LRP1: variants seen among roughly 807,000 people sequenced by gnomAD.
LRP1 encodes prolow-density lipoprotein receptor-related protein 1.
A neutral mutation model predicts 541.5 loss-of-function variants in LRP1; 51 were observed. That is an observed-to-expected ratio of 0.09 (90% CI 0.08 to 0.12). The LOEUF (loss-of-function observed/expected upper bound fraction) is 0.12, where lower values mean the gene tolerates loss of function less well. Ranked by LOEUF, LRP1 falls within the 10% of genes least tolerant of loss-of-function variation. The pLI, the probability that LRP1 is intolerant of heterozygous loss-of-function variation, is 1.00. For synonymous variants in LRP1, 2,219 were observed against 2,470.8 expected, an observed-to-expected ratio of 0.90 and a Z score of 3.02; for missense variants, 3,878 against 6,376.2, an observed-to-expected ratio of 0.61 and a Z score of 13.34.
At chr12:57,163,118 A>G in intron 15 of LRP1, 135 bp downstream of exon 15, 2 of 1,290,028 alleles carry the variant, frequency 1.6e-6, no homozygotes, top group Non-Finnish European at 2.1e-6. Context: ...GCCAACAGGA[A>G]GCAAGGGAGG....
chr12:57,144,720 G>T (rs2035364026), intron 4 of LRP1: 2 of 526,084 alleles, frequency 3.8e-6, no homozygotes, highest in Non-Finnish European at 6.8e-6. Flanking sequence ...CCTGGCACCT[G>T]ACCCATAGTA....
chr12:57,185,686 A>G lies in LRP1; in HGVS notation c.6619A>G (p.Thr2207Ala). 6.2e-7 allele frequency: 1 copy of G among 1,614,056 alleles called. No individual in the cohort carries two copies. The change falls in exon 41 of 89, where the codon ACC becomes GCC. Residue 2207 changes from threonine to alanine, a missense_variant. Physicochemically the swap from Thr to Ala is moderately conservative, Grantham distance 58. This residue lies in a region of LRP1 where 1,100 missense variants were observed against 1,827.4 expected (regional missense o/e 0.60). Coordinates refer to ENST00000243077, the MANE Select transcript of LRP1 (RefSeq NM_002332.3). The surrounding 1 kb of genome is among the most constrained non-coding windows in gnomAD (Gnocchi z 4.9). ...YAGYLLYSER[T>A]ILKSIHLSDE... is the part of the protein sequence containing the mutation. ...CGGCTACCTGCTCTACTCAGAGCGC[A>G]CCATTCTCAAGAGTATCCACCTGTC...
intron 20 of LRP1, among the ~76,000 whole-genome samples, chr12:57,171,545 G>A (rs1202872669): frequency 6.6e-6 from 1 of 152,180 alleles, no homozygotes; most frequent in Non-Finnish European, 1.5e-5. Context: ...GGTGTAAATC[G>A]TGAGAGGCTT....
chr12:57,205,157 T>C lies in LRP1; in HGVS notation c.11243T>C (p.Leu3748Pro), dbSNP rs747947432. The change falls in exon 73 of 89, where the codon CTG becomes CCG. Residue 3748 changes from leucine to proline, a missense_variant. Around this residue, in one of 13 missense-constraint regions of LRP1, gnomAD observed 871 missense variants for 1,212.4 expected, o/e 0.72. Coordinates refer to ENST00000243077, the MANE Select transcript of LRP1 (RefSeq NM_002332.3). The surrounding 1 kb of genome is among the most constrained non-coding windows in gnomAD (Gnocchi z 4.6). ...TTHCKDKKEF[L>P]CRNQRCLSSS... ...CACTGCAAAGACAAGAAGGAGTTTC[T>C]GTGCCGGAACCAGCGCTGCCTCTCC... is the stretch of plus-strand genomic sequence containing the variant. 5 of 1,613,866 alleles carry C rather than the reference T, an allele frequency of 3.1e-6. No homozygotes were observed. The highest frequency in any genetic ancestry group is 3.4e-6 in the Non-Finnish European group (4 of 1,180,008).
Position 57,212,264 on chromosome 12 carries a change from G to C in LRP1, c.13494+3G>C. On this transcript the variant is annotated splice_donor_region_variant and intron_variant, in intron 88 of 88. Transcript: ENST00000243077. The surrounding 1 kb of genome is among the most constrained non-coding windows in gnomAD (Gnocchi z 5.0). ...ACTTTGCCCTGGACCCTGACAAGGTGGGCTGGGAGGCGGGCAGGGTCGAGT... is the reference window on the plus strand; with the variant it reads ...ACTTTGCCCTGGACCCTGACAAGGTCGGCTGGGAGGCGGGCAGGGTCGAGT... 1 of 1,612,966 alleles carries C rather than the reference G, an allele frequency of 6.2e-7. No individual in the cohort carries two copies. The highest frequency in any genetic ancestry group is 8.5e-7 in the Non-Finnish European group (1 of 1,179,370).
Position 57,206,776 on chromosome 12 carries a change from A to T in LRP1, c.11859+35A>T. 2 of 1,598,876 alleles carry T rather than the reference A, an allele frequency of 1.3e-6. No homozygotes were observed. The highest frequency in any genetic ancestry group is 1.7e-6 in the Non-Finnish European group (2 of 1,174,900). ...CAACCTGGCGTGGATGGAGTGGAAG[A>T]GCTCCATAGAGCAGGCGGTTCAGAG... On this transcript the variant is annotated intron_variant, in intron 76 of 88. Coordinates refer to ENST00000243077, the MANE Select transcript of LRP1 (RefSeq NM_002332.3). This position sits in a 1 kb window ranked among gnomAD's most constrained non-coding sequence, Gnocchi z 4.7.
intron 46 of LRP1, 87 bp from the exon 47 acceptor site, chr12:57,193,479 G>A (rs2036458930): frequency 1.9e-6 from 3 of 1,548,970 alleles, no homozygotes; most frequent in Non-Finnish European, 2.6e-6. Flanking sequence ...TTTGGGGGTG[G>A]CCAGCTGGAC....
chr12:57,177,352 T>A lies in LRP1; in HGVS notation c.4197-75T>A, dbSNP rs1012106246. On this transcript the variant is annotated intron_variant, in intron 25 of 88. Coordinates refer to ENST00000243077, the MANE Select transcript of LRP1 (RefSeq NM_002332.3). This position sits in a 1 kb window ranked among gnomAD's most constrained non-coding sequence, Gnocchi z 6.8. ...CAGTGCCATCTGCCTCCTCCCACCC[T>A]CTACCTACGATCCCACCACAGTCGC... 1.9e-6 allele frequency: 3 copies of A among 1,559,556 alleles called. No individual in the cohort carries two copies. Among genetic ancestry groups the A allele is most frequent in the Non-Finnish European group, 2.6e-6 (3 of 1,144,640 alleles).
In LRP1 at chr12:57,203,431, A is replaced by G; in HGVS notation, c.10861A>G (p.Lys3621Glu). The change falls in exon 70 of 89, where the codon AAG becomes GAG. Residue 3621 changes from lysine to glutamate, a missense_variant. Lys to Glu is a moderately conservative substitution (Grantham distance 56, BLOSUM62 1). Transcript: ENST00000243077. ...PRCDMDQFQC[K>E]SGHCIPLRWR... ...CTGTGACATGGACCAGTTCCAGTGC[A>G]AGAGCGGCCACTGCATCCCCCTGCG... is the stretch of plus-strand genomic sequence containing the variant. 2.5e-6 allele frequency: 4 copies of G among 1,609,090 alleles called. No homozygotes were observed. The highest frequency in any genetic ancestry group is 3.4e-6 in the Non-Finnish European group (4 of 1,177,848).
At position 57,162,855 on chromosome 12, in the gene LRP1, C is replaced by T. The variant is rs755936829; in HGVS notation, c.2405-3C>T. Reference sequence around the variant, plus strand: ...TGCCTTTCCCCATGGCCCTTCCCCACAGTTGGCACCAACAAATGCCGGGTG... The same window carrying T: ...TGCCTTTCCCCATGGCCCTTCCCCATAGTTGGCACCAACAAATGCCGGGTG... On this transcript the variant is annotated splice_polypyrimidine_tract_variant and splice_region_variant and intron_variant, in intron 14 of 88. Coordinates refer to ENST00000243077, the MANE Select transcript of LRP1 (RefSeq NM_002332.3). This position sits in a 1 kb window ranked among gnomAD's most constrained non-coding sequence, Gnocchi z 5.2. The T allele has an allele frequency of 2.4e-5, 38 of 1,607,242 alleles. No individual in the cohort carries two copies. The highest frequency in any genetic ancestry group is 3.1e-5 in the Non-Finnish European group (36 of 1,177,318).
At chr12:57,171,341 A>G (rs1022023337) in intron 20 of LRP1, among the ~76,000 whole-genome samples, 1 of 152,098 alleles carries the variant, frequency 6.6e-6, no homozygotes, top group African/African-American at 2.4e-5. Context: ...CTGCAGGTAA[A>G]TGGACAGGAG....
chr12:57,155,955 T>C, intron 8 of LRP1, 139 bp from the exon 9 acceptor site: 1 of 675,704 alleles, frequency 1.5e-6, no homozygotes, highest in Non-Finnish European at 2.5e-6. Flanking sequence ...CGTCTCAAAA[T>C]AAATAAATAA....
At chr12:57,200,122 C>T (rs1055917361) in intron 62 of LRP1, 97 bp downstream of exon 62, 3 of 1,077,352 alleles carry the variant, frequency 2.8e-6, no homozygotes, top group Non-Finnish European at 2.7e-6. Flanking sequence ...TGTCCTCATG[C>T]ATCTGGTTTT....
chr12:57,157,825 G>A (rs1592617541), intron 10 of LRP1, among the ~76,000 whole-genome samples: 2 of 152,232 alleles, frequency 1.3e-5, no homozygotes, highest in East Asian at 3.9e-4. Flanking sequence ...GGAACAGCAC[G>A]AAGGCCAGCG....
At chr12:57,129,691 C>T (rs577228432) in intron 1 of LRP1, among the ~76,000 whole-genome samples, 1 of 152,138 alleles carries the variant, frequency 6.6e-6, no homozygotes, top group Non-Finnish European at 1.5e-5. Context: ...AGGGGGAGCT[C>T]GCCATACTAT....
At chr12:57,172,946 G>C (rs900985563) in intron 20 of LRP1, among the ~76,000 whole-genome samples, 1 of 152,194 alleles carries the variant, frequency 6.6e-6, no homozygotes, top group African/African-American at 2.4e-5. Context: ...GTCAATGGGG[G>C]GATTAGATGA....
Position 57,183,242 on chromosome 12 carries a change from T to C in LRP1, c.5663-137T>C. ...TGCTCTGGCCTCAGGCTAGGGTGTG[T>C]GTGCTGGGTGGAGGATAGGGATGAT... On this transcript the variant is annotated intron_variant, in intron 34 of 88. Coordinates refer to ENST00000243077, the MANE Select transcript of LRP1 (RefSeq NM_002332.3). This position sits in a 1 kb window ranked among gnomAD's most constrained non-coding sequence, Gnocchi z 6.1. 1.0e-6 allele frequency: 1 copy of C among 958,954 alleles called. No homozygotes were observed. The allele number at this position is 958,954 out of a possible 1,614,324, so 59.4% of individuals were successfully genotyped here.
In LRP1 at chr12:57,143,286, C is replaced by T. The variant is rs1425843023; in HGVS notation, c.329-393C>T. On this transcript the variant is annotated intron_variant, in intron 3 of 88. Coordinates refer to ENST00000243077, the MANE Select transcript of LRP1 (RefSeq NM_002332.3). Reference sequence around the variant, plus strand: ...CACGATTCCATGCCCACTTTTCAGCCCCAGCTGAAGCCAACATTGTAATCC... The same window carrying T: ...CACGATTCCATGCCCACTTTTCAGCTCCAGCTGAAGCCAACATTGTAATCC... 2.6e-5 allele frequency among the ~76,000 whole-genome samples: 4 copies of T among 152,144 alleles called. No individual in the cohort carries two copies. In the East Asian group the frequency reaches 7.7e-4, roughly 29 times the overall value.
rs2035658807 is a variant in LRP1 at position 57,158,215 on chromosome 12, T to C, written c.1562-187T>C. ...GTGCAGAGGTCAGACCCCAGGGTAT[T>C]GCGGCCAGGACCCATCGTCCTGTAT... On this transcript the variant is annotated intron_variant, in intron 10 of 88. Coordinates refer to ENST00000243077, the MANE Select transcript of LRP1 (RefSeq NM_002332.3). This position sits in a 1 kb window ranked among gnomAD's most constrained non-coding sequence, Gnocchi z 5.3. 6.6e-6 allele frequency among the ~76,000 whole-genome samples: 1 copy of C among 152,194 alleles called. No homozygotes were observed. The highest frequency in any genetic ancestry group is 2.4e-5 in the African/African-American group (1 of 41,448).
Sources: gnomAD v4.1 joint callset for allele counts (sites outside exome capture counted in the v4.1 genomes callset) on GRCh38, gnomAD v4.1.1 for gene constraint, gnomAD v4.1.1 regional missense constraint, Gnocchi (gnomAD v3.1) non-coding constraint, MANE v1.5 for transcripts, NCBI Gene and HGNC (gene_info 2026-07-23, HGNC 2026-07-21) for gene names.